DTWD1: variants seen among roughly 807,000 people sequenced by gnomAD.
DTWD1 encodes the protein tRNA-uridine aminocarboxypropyltransferase 1.
DTWD1 carries 27 observed loss-of-function variants against 30.2 expected under a neutral mutation model. That is an observed-to-expected ratio of 0.90 (90% CI 0.66 to 1.23). The LOEUF (loss-of-function observed/expected upper bound fraction) is 1.23, where lower values mean the gene tolerates loss of function less well. Among genes scored for constraint, DTWD1 ranks in the 50% most tolerant of loss-of-function variants. DTWD1 has a pLI of 0.00. For synonymous variants in DTWD1, 99 were observed against 113.1 expected (o/e 0.88, Z 0.79); for missense variants, 342 against 348.8 (o/e 0.98, Z 0.15).
rs116932342 is a variant in DTWD1 at position 49,623,335 on chromosome 15, G to A, written c.-55-1778G>A. 8.4e-3 allele frequency among the ~76,000 whole-genome samples: 1,284 copies of A among 152,228 alleles called. 29 individuals carry two copies. Among genetic ancestry groups the A allele is most frequent in the South Asian group, 0.062 (300 of 4,812 alleles). On this transcript the variant is annotated intron_variant, in intron 1 of 4. Transcript: ENST00000403028. Reference sequence around the variant, plus strand: ...CCAGGACAAACCCAAAGAGAGTTTAGGTGAAACTTAGCTTCGTATGTGCAG... The same window carrying A: ...CCAGGACAAACCCAAAGAGAGTTTAAGTGAAACTTAGCTTCGTATGTGCAG...
intron 4 of DTWD1, among the ~76,000 whole-genome samples, chr15:49,635,182 C>T (rs2078985245): frequency 6.6e-6 from 1 of 151,758 alleles, no homozygotes; most frequent in African/African-American, 2.4e-5. Flanking sequence ...TTACAGGCGC[C>T]CACCACCACA....
At chr15:49,643,241 A>G (rs2153354134) in intron 4 of DTWD1, 90 bp from the exon 5 acceptor site, 1 of 1,337,960 alleles carries the variant, frequency 7.5e-7, no homozygotes, top group Non-Finnish European at 9.8e-7. Context: ...AATTAAGAGA[A>G]ATCATTATTA....
In DTWD1 at chr15:49,643,306, CTTTTTT is replaced by C. The variant is rs5812490; in HGVS notation, c.668-11_668-6del. 1.8e-4 allele frequency: 221 copies of C among 1,200,672 alleles called. No individual in the cohort carries two copies. The highest frequency in any genetic ancestry group is 6.4e-4 in the Middle Eastern group (2 of 3,138). The allele number at this position is 1,200,672 out of a possible 1,614,324, so 74.4% of individuals were successfully genotyped here. ...ATTTATATTTTTTCTTTCTTTCTTT[CTTTTTT>C]TTTTTTTTTTTTTGACAGGGTTGTT... is the stretch of plus-strand genomic sequence containing the variant. On this transcript the variant is annotated intron_variant, in intron 4 of 4. Transcript: ENST00000403028.
In DTWD1 at chr15:49,648,099, T is replaced by C. The variant is rs369895299; in HGVS notation, c.*4521T>C. On this transcript the variant is annotated 3_prime_UTR_variant, in exon 5 of 5. Coordinates refer to ENST00000403028, the MANE Select transcript of DTWD1 (RefSeq NM_001144955.2). ...AGGCAATAGAGCTTGTAACAGCTAT[T>C]ACCCTTGGTTGTAAAGGAGAAGGTT... 1 of 152,168 alleles carries C rather than the reference T, an allele frequency of 6.6e-6. No individual in the cohort carries two copies. The highest frequency in any genetic ancestry group is 1.9e-4 in the East Asian group (1 of 5,192). 9.4% of individuals were successfully genotyped at this position (152,168 alleles called of 1,614,324 possible). A position where few individuals can be genotyped will look rare whatever the true frequency, so the allele number is the denominator to read the frequency against.
At position 49,625,390 on chromosome 15, in the gene DTWD1, C is replaced by A; in HGVS notation, c.223C>A (p.Pro75Thr). 6.2e-7 allele frequency: 1 copy of A among 1,613,566 alleles called. No homozygotes were observed. The highest frequency in any genetic ancestry group is 8.5e-7 in the Non-Finnish European group (1 of 1,179,756). ...GTTCTACTGCTATACATGTTATGTT[C>A]CAGTTGAAAATGTACCTATTGAACA... ...RMFYCYTCYV[P>T]VENVPIEQIP... Residue 75 changes from proline (P) to threonine (T), a missense_variant, in exon 2 of 5, where the codon CCA becomes ACA. Coordinates refer to ENST00000403028, the MANE Select transcript of DTWD1 (RefSeq NM_001144955.2).
chr15:49,631,287 G>A (rs1332780471), intron 2 of DTWD1, among the ~76,000 whole-genome samples: 1 of 151,936 alleles, frequency 6.6e-6, no homozygotes, highest in Non-Finnish European at 1.5e-5. Flanking sequence ...ACACCTCTTA[G>A]GTCTATTGTT....
chr15:49,633,345 T>C (rs1170810111), intron 3 of DTWD1, among the ~76,000 whole-genome samples: 2 of 151,774 alleles, frequency 1.3e-5, no homozygotes, highest in Admixed American at 1.3e-4. Flanking sequence ...AAATTCAAGG[T>C]TTTTGCTTTT....
intron 4 of DTWD1, 103 bp downstream of exon 4, chr15:49,634,897 T>C: frequency 9.6e-7 from 1 of 1,043,726 alleles, no homozygotes; most frequent in South Asian, 2.1e-5. Context: ...TGAATACCTA[T>C]ACATTTTGCC....
rs1422002072 is a variant in DTWD1, at chr15:49,647,828, AAG to A, written c.*4253_*4254del. The A allele has an allele frequency of 1.3e-5, 2 of 152,170 alleles. No homozygotes were observed. Among genetic ancestry groups the A allele is most frequent in the African/African-American group, 2.4e-5 (1 of 41,460 alleles). 9.4% of individuals were successfully genotyped at this position (152,170 alleles called of 1,614,324 possible). ...ACAAAAAAAAAACTGTCTTCAAAAT[AAG>A]AGTATATTATATTCACAAAACAAGA... On this transcript the variant is annotated 3_prime_UTR_variant, in exon 5 of 5. Transcript: ENST00000403028.
intron 3 of DTWD1, among the ~76,000 whole-genome samples, chr15:49,633,049 C>CTATATATATATATCTA (rs2078948448): frequency 1.7e-4 from 20 of 117,342 alleles, no homozygotes; most frequent in Non-Finnish European, 3.5e-4. Flanking sequence ...ATATCTATAT[C>CTATATATATATATCTA]TATATATATA....
At chr15:49,639,622 TAC>T in intron 4 of DTWD1, among the ~76,000 whole-genome samples, 1 of 152,302 alleles carries the variant, frequency 6.6e-6, no homozygotes, top group East Asian at 1.9e-4. Flanking sequence ...TTGTTAGAAA[TAC>T]TAGGGTATAA....
chr15:49,632,070 G>A, intron 2 of DTWD1, 89 bp from the exon 3 acceptor site: 1 of 1,104,854 alleles, frequency 9.1e-7, no homozygotes. Context: ...TTTATTGTGA[G>A]CTTCCTATTT....
chr15:49,653,119 A>G lies in DTWD1; in HGVS notation c.*9541A>G, dbSNP rs1322902141. The G allele has an allele frequency of 2.6e-5, 4 of 152,176 alleles. No individual in the cohort carries two copies. The highest frequency in any genetic ancestry group is 4.4e-5 in the Non-Finnish European group (3 of 68,030). 9.4% of individuals were successfully genotyped at this position (152,176 alleles called of 1,614,324 possible). Reference sequence around the variant, plus strand: ...TTGGTATCAGGAGTGGGGTGTTACCATAACAAAAGGTTAAACCTTACATGG... The same window carrying G: ...TTGGTATCAGGAGTGGGGTGTTACCGTAACAAAAGGTTAAACCTTACATGG... On this transcript the variant is annotated 3_prime_UTR_variant, in exon 5 of 5. Transcript: ENST00000403028.
At chr15:49,630,126 A>T (rs2078899821) in intron 2 of DTWD1, among the ~76,000 whole-genome samples, 1 of 152,206 alleles carries the variant, frequency 6.6e-6, no homozygotes, top group African/African-American at 2.4e-5. Context: ...ATAAAATTCT[A>T]GAAAGTACAA....
intron 4 of DTWD1, among the ~76,000 whole-genome samples, chr15:49,641,044 C>T (rs1271878069): frequency 6.6e-6 from 1 of 151,636 alleles, no homozygotes; most frequent in Non-Finnish European, 1.5e-5. Context: ...ATTTATTGTT[C>T]TTTATTACTA....
chr15:49,623,518 C>A (rs2078797441), intron 1 of DTWD1, among the ~76,000 whole-genome samples: 2 of 151,998 alleles, frequency 1.3e-5, no homozygotes, highest in Admixed American at 6.6e-5. Context: ...CCCACCTTAA[C>A]CTCCCAAATG....
chr15:49,624,502 AGAGT>A (rs1302017978), intron 1 of DTWD1, among the ~76,000 whole-genome samples: 1 of 152,248 alleles, frequency 6.6e-6, no homozygotes, highest in African/African-American at 2.4e-5. Flanking sequence ...ATAAATTCTT[AGAGT>A]AAGTGGACAT....
chr15:49,624,738 A>G (rs2078816899), intron 1 of DTWD1, among the ~76,000 whole-genome samples: 1 of 152,180 alleles, frequency 6.6e-6, no homozygotes, highest in South Asian at 2.1e-4. Context: ...AAATTTTGCC[A>G]ATTCCACTAG....
In DTWD1 at chr15:49,649,523, G is replaced by A. The variant is rs1318023036; in HGVS notation, c.*5945G>A. The A allele has an allele frequency of 6.6e-6, 1 of 152,262 alleles. No homozygotes were observed. The highest frequency in any genetic ancestry group is 2.4e-5 in the African/African-American group (1 of 41,442). The allele number at this position is 152,262 out of a possible 1,614,324, so 9.4% of individuals were successfully genotyped here. A position where few individuals can be genotyped will look rare whatever the true frequency, so the allele number is the denominator to read the frequency against. ...AGGCCAAGGCAGGTGGATCGCCTGA[G>A]GTCTGGAGTTTAAGACCAGCCTGGC... On this transcript the variant is annotated 3_prime_UTR_variant, in exon 5 of 5. Coordinates refer to ENST00000403028, the MANE Select transcript of DTWD1 (RefSeq NM_001144955.2).
Sources: allele counts gnomAD v4.1 joint callset (sites outside exome capture counted in the v4.1 genomes callset), GRCh38; gene constraint gnomAD v4.1.1; transcripts MANE v1.5; gene names NCBI Gene and HGNC (gene_info 2026-07-23, HGNC 2026-07-21).